The following IFT56 variants were observed in gnomAD, a reference collection of about 807,000 sequenced individuals.
The protein encoded by IFT56 is intraflagellar transport protein 56.
chr7:139,154,456 A>T, the IFT56 span, among the ~76,000 whole-genome samples: 1 of 151,620 alleles, frequency 6.6e-6, no homozygotes, highest in Admixed American at 6.6e-5. Context: ...GTTTTCCACT[A>T]AGAGTTTTAT....
the IFT56 span, among the ~76,000 whole-genome samples, chr7:139,184,682 G>C: frequency 6.6e-6 from 1 of 152,176 alleles, no homozygotes; most frequent in Non-Finnish European, 1.5e-5. Flanking sequence ...GCCAAGGCAG[G>C]AGGATTGCTT....
At chr7:139,146,915 A>G in the IFT56 span, 1 of 1,261,258 alleles carries the variant, frequency 7.9e-7, no homozygotes, top group Non-Finnish European at 1.1e-6. Context: ...TATTAACTGT[A>G]ACCTAAGGGC....
At chr7:139,177,435 T>C in the IFT56 span, among the ~76,000 whole-genome samples, 1 of 151,596 alleles carries the variant, frequency 6.6e-6, no homozygotes, top group African/African-American at 2.4e-5. Flanking sequence ...TGATATACTA[T>C]GTATATCAGA....
At chr7:139,172,404 G>A in the IFT56 span, 2 of 350,038 alleles carry the variant, frequency 5.7e-6, no homozygotes, top group Non-Finnish European at 1.1e-5. Flanking sequence ...CGCCAGGTGG[G>A]CATTGTATTT....
At chr7:139,176,842 T>C in the IFT56 span, among the ~76,000 whole-genome samples, 2 of 152,046 alleles carry the variant, frequency 1.3e-5, no homozygotes, top group East Asian at 3.8e-4. Flanking sequence ...CTCCCAACCA[T>C]TATGGAACTT....
chr7:139,142,313 T>C, the IFT56 span: 1 of 1,612,032 alleles, frequency 6.2e-7, no homozygotes, highest in Admixed American at 1.7e-5. Flanking sequence ...AAGGTATTTA[T>C]GTTCTCATTT....
the IFT56 span, among the ~76,000 whole-genome samples, chr7:139,185,517 A>G: frequency 6.6e-6 from 1 of 152,102 alleles, no homozygotes; most frequent in Non-Finnish European, 1.5e-5. Flanking sequence ...ATGTTGAATC[A>G]TAGGTACAAG....
chr7:139,159,870 G>A, the IFT56 span, among the ~76,000 whole-genome samples: 1 of 152,196 alleles, frequency 6.6e-6, no homozygotes, highest in African/African-American at 2.4e-5. Context: ...GAGACCAAAT[G>A]TTAATTCCAA....
chr7:139,143,523 T>A, the IFT56 span, among the ~76,000 whole-genome samples: 1 of 152,106 alleles, frequency 6.6e-6, no homozygotes, highest in Non-Finnish European at 1.5e-5. Context: ...GCCTATTATA[T>A]CTCTCATCTA....
the IFT56 span, among the ~76,000 whole-genome samples, chr7:139,181,364 G>C: frequency 6.6e-6 from 1 of 152,218 alleles, no homozygotes; most frequent in Non-Finnish European, 1.5e-5. Context: ...TGAACTCAGA[G>C]ATAGGCAGTA....
the IFT56 span, chr7:139,181,297 A>G: frequency 2.4e-6 from 2 of 844,680 alleles, no homozygotes; most frequent in South Asian, 1.5e-5. Context: ...CTAAATGGCT[A>G]GTAGTGAGAG....
the IFT56 span, chr7:139,133,814 G>A: frequency 6.2e-7 from 1 of 1,614,058 alleles, no homozygotes; most frequent in East Asian, 2.2e-5. Flanking sequence ...ACGCTGAGGC[G>A]CGGCCTTCGC....
the IFT56 span, among the ~76,000 whole-genome samples, chr7:139,149,966 T>A: frequency 2.6e-5 from 4 of 152,168 alleles, no homozygotes; most frequent in Admixed American, 6.6e-5. Context: ...TGTTCTACAC[T>A]ATATCTATAT....
chr7:139,170,135 C>T, the IFT56 span, among the ~76,000 whole-genome samples: 6 of 152,290 alleles, frequency 3.9e-5, no homozygotes, highest in Admixed American at 1.3e-4. Flanking sequence ...TTCCTAGACA[C>T]ATACAACCAA....
At chr7:139,158,109 T>C in the IFT56 span, among the ~76,000 whole-genome samples, 2 of 151,668 alleles carry the variant, frequency 1.3e-5, no homozygotes, top group Non-Finnish European at 2.9e-5. Flanking sequence ...AGGTCAGGAG[T>C]TCCACACCAG....
chr7:139,149,386 A>C, the IFT56 span, among the ~76,000 whole-genome samples: 1 of 151,476 alleles, frequency 6.6e-6, no homozygotes, highest in African/African-American at 2.4e-5. Context: ...TATCAGCTAT[A>C]CATCCTAGAT....
the IFT56 span, among the ~76,000 whole-genome samples, chr7:139,137,427 G>A: frequency 6.6e-4 from 101 of 152,300 alleles, no homozygotes; most frequent in African/African-American, 2.2e-3. Flanking sequence ...AGTAGAGCAC[G>A]GAGGGTGACA....
At chr7:139,174,251 CA>C in the IFT56 span, 1 of 584,120 alleles carries the variant, frequency 1.7e-6, no homozygotes, top group Admixed American at 1.9e-5. Context: ...TCTTTCCCAA[CA>C]ATAACATTAA....
chr7:139,156,893 G>T, the IFT56 span, among the ~76,000 whole-genome samples: 2 of 152,098 alleles, frequency 1.3e-5, no homozygotes, highest in African/African-American at 4.8e-5. Context: ...CACATGTAGT[G>T]GGTCTAGCAA....
Sources: gnomAD v4.1 joint callset for allele counts (sites outside exome capture counted in the v4.1 genomes callset) on GRCh38, gnomAD v4.1.1 for gene constraint, MANE v1.5 for transcripts, NCBI Gene and HGNC (gene_info 2026-07-23, HGNC 2026-07-21) for gene names.